NR5A2: variants seen among roughly 807,000 people sequenced by gnomAD.
NR5A2 encodes nuclear receptor subfamily 5 group A member 2.
NR5A2 carries 26 observed loss-of-function variants against 62.7 expected under a neutral mutation model. The observed-to-expected ratio is 0.41, with a 90% confidence interval of 0.30 to 0.58. The LOEUF (loss-of-function observed/expected upper bound fraction) is 0.58, where lower values mean the gene tolerates loss of function less well. NR5A2 is among the 20% of genes least tolerant of loss of function. The pLI is 0.22. For synonymous variants in NR5A2, 246 were observed against 241.7 expected (o/e 1.02, Z -0.16); for missense variants, 541 against 669.1 (o/e 0.81, Z 2.11).
At chr1:200,092,074 T>TG (rs1401114183) in intron 5 of NR5A2, among the ~76,000 whole-genome samples, 2 of 152,206 alleles carry the variant, frequency 1.3e-5, no homozygotes, top group Non-Finnish European at 2.9e-5. Context: ...ACATGGATCT[T>TG]GAGCACAGTT....
chr1:200,156,933 G>C (rs930388098), intron 7 of NR5A2, among the ~76,000 whole-genome samples: 1 of 152,104 alleles, frequency 6.6e-6, no homozygotes, highest in Non-Finnish European at 1.5e-5. Flanking sequence ...TAACCCCATC[G>C]TAAGTTGGAG....
intron 5 of NR5A2, among the ~76,000 whole-genome samples, chr1:200,059,065 G>T (rs1022543873): frequency 1.3e-5 from 2 of 151,868 alleles, no homozygotes; most frequent in Non-Finnish European, 2.9e-5. Context: ...AGCCAAGATC[G>T]CACTACTGCA....
intron 7 of NR5A2, among the ~76,000 whole-genome samples, chr1:200,152,488 G>A (rs1253644111): frequency 6.6e-6 from 1 of 152,062 alleles, no homozygotes; most frequent in East Asian, 1.9e-4. Flanking sequence ...AGAATGTTAA[G>A]AAACTACAAA....
At chr1:200,163,506 A>G (rs1653753958) in intron 7 of NR5A2, among the ~76,000 whole-genome samples, 1 of 150,810 alleles carries the variant, frequency 6.6e-6, no homozygotes, top group Non-Finnish European at 1.5e-5. Flanking sequence ...TTTTGAGACA[A>G]GATCTCACTC....
Position 200,111,260 on chromosome 1 carries a change from A to T in NR5A2, c.1169A>T (p.His390Leu), listed in dbSNP as rs1226327686. 6.2e-7 allele frequency: 1 copy of T among 1,613,566 alleles called. No individual in the cohort carries two copies. Among genetic ancestry groups the T allele is most frequent in the African/African-American group, 1.3e-5 (1 of 74,824 alleles). The part of the protein sequence containing the change: ...NCWSELLILD[H>L]IYRQVVHGKE... Reference sequence around the variant, plus strand: ...TGGAGTGAGCTCTTAATCCTCGACCACATTTACCGACAAGTGGTACATGGA... The same window carrying T: ...TGGAGTGAGCTCTTAATCCTCGACCTCATTTACCGACAAGTGGTACATGGA... The change falls in exon 6 of 8, where the codon CAC becomes CTC. Residue 390 changes from histidine to leucine, a missense_variant. Transcript: ENST00000367362.
Position 200,027,856 on chromosome 1 carries a change from T to C in NR5A2, c.9T>C (p.Ser3=). 3 of 1,604,592 alleles carry C rather than the reference T, an allele frequency of 1.9e-6. No homozygotes were observed. In the South Asian group the frequency reaches 3.4e-5, roughly 18 times the overall value. The change falls in exon 1 of 8, where the codon TCT becomes TCC. Residue 3 remains serine (S), a synonymous_variant. Transcript: ENST00000367362. Reference sequence around the variant, plus strand: ...CTATAATTTCACTAAGAATGTCTTCTAATTCAGATACTGGGGATTTACAAG... The same window carrying C: ...CTATAATTTCACTAAGAATGTCTTCCAATTCAGATACTGGGGATTTACAAG... MS[S]NSDTGDLQES...
At chr1:200,128,710 G>A (rs776398488) in intron 7 of NR5A2, among the ~76,000 whole-genome samples, 1 of 152,134 alleles carries the variant, frequency 6.6e-6, no homozygotes, top group Non-Finnish European at 1.5e-5. Context: ...GAGTGGGGGT[G>A]GTGGGCAGGC....
At chr1:200,104,852 G>A (rs1377239927) in intron 5 of NR5A2, among the ~76,000 whole-genome samples, 1 of 152,056 alleles carries the variant, frequency 6.6e-6, no homozygotes, top group Non-Finnish European at 1.5e-5. Flanking sequence ...TAGTAGAGAT[G>A]GAATTTCACC....
chr1:200,079,111 G>T (rs780422579), intron 5 of NR5A2, among the ~76,000 whole-genome samples: 1 of 152,168 alleles, frequency 6.6e-6, no homozygotes, highest in African/African-American at 2.4e-5. Flanking sequence ...CAATTAGGGA[G>T]TCTCTGGGCT....
At chr1:200,079,762 A>AT (rs1325336704) in intron 5 of NR5A2, among the ~76,000 whole-genome samples, 3 of 151,958 alleles carry the variant, frequency 2.0e-5, no homozygotes, top group South Asian at 4.1e-4. Context: ...AGGCTGTTGG[A>AT]TTTTTTTGCT....
intron 5 of NR5A2, among the ~76,000 whole-genome samples, chr1:200,061,242 A>G (rs531907283): frequency 4.0e-5 from 6 of 151,186 alleles, no homozygotes; most frequent in Admixed American, 1.3e-4. Context: ...GGAAATGTCA[A>G]TGTCACTCAG....
Position 200,048,501 on chromosome 1 carries a change from C to G in NR5A2, c.793C>G (p.Pro265Ala), listed in dbSNP as rs778933557. ...AGGTTACCAAACATATGGCCACTTTCCTAGCCGGGCCATCAAGTCTGAGTA... is the reference window on the plus strand; with the variant it reads ...AGGTTACCAAACATATGGCCACTTTGCTAGCCGGGCCATCAAGTCTGAGTA... ...LQGYQTYGHF[P>A]SRAIKSEYPD... The change falls in exon 5 of 8, where the codon CCT (proline) becomes GCT (alanine). Residue 265 changes from proline to alanine, a missense_variant. Pro to Ala is a conservative substitution (Grantham distance 27). Around this residue, in one of 3 missense-constraint regions of NR5A2, gnomAD observed 379 missense variants for 442.0 expected, o/e 0.86. Transcript: ENST00000367362. The surrounding 1 kb of genome is among the most constrained non-coding windows in gnomAD (Gnocchi z 4.8). 10 of 1,614,088 alleles carry G rather than the reference C, an allele frequency of 6.2e-6. No individual in the cohort carries two copies. In the Admixed American group the frequency reaches 1.7e-4, roughly 27 times the overall value.
At chr1:200,121,657 G>A in intron 7 of NR5A2, among the ~76,000 whole-genome samples, 1 of 152,168 alleles carries the variant, frequency 6.6e-6, no homozygotes, top group East Asian at 1.9e-4. Context: ...TTTCCTGTCT[G>A]TCCCTTACTT....
At chr1:200,104,262 C>T (rs901808581) in intron 5 of NR5A2, among the ~76,000 whole-genome samples, 4 of 152,134 alleles carry the variant, frequency 2.6e-5, no homozygotes, top group African/African-American at 9.7e-5. Context: ...GTTTTACTGG[C>T]TCTTAGTTCT....
chr1:200,157,416 A>T (rs1008851410), intron 7 of NR5A2, among the ~76,000 whole-genome samples: 1 of 152,226 alleles, frequency 6.6e-6, no homozygotes, highest in Non-Finnish European at 1.5e-5. Flanking sequence ...AAACCTTAGA[A>T]TTGAGCATAG....
At position 200,177,182 on chromosome 1, in the gene NR5A2, C is replaced by T. The variant is rs1198603416; in HGVS notation, c.*2972C>T. ...CTTAACTTGGTTTATTATAGTTGCT[C>T]TATGTTTGTAAACAGACAATCTCTA... On this transcript the variant is annotated 3_prime_UTR_variant, in exon 8 of 8. Coordinates refer to ENST00000367362, the MANE Select transcript of NR5A2 (RefSeq NM_205860.3). 6.6e-6 allele frequency: 1 copy of T among 152,576 alleles called. No individual in the cohort carries two copies. Among genetic ancestry groups the T allele is most frequent in the Non-Finnish European group, 1.5e-5 (1 of 68,026 alleles). The allele number at this position is 152,576 out of a possible 1,614,324, so 9.5% of individuals were successfully genotyped here.
intron 5 of NR5A2, among the ~76,000 whole-genome samples, chr1:200,050,935 TA>T (rs1269231037): frequency 6.6e-6 from 1 of 152,172 alleles, no homozygotes; most frequent in African/African-American, 2.4e-5. Flanking sequence ...ACTGTTGTTT[TA>T]TGAAAAATGT....
At chr1:200,040,137 A>T (rs1661997192) in intron 2 of NR5A2, among the ~76,000 whole-genome samples, 1 of 152,230 alleles carries the variant, frequency 6.6e-6, no homozygotes. Context: ...GGACACCCGA[A>T]CAGGTTCTCT....
At chr1:200,145,468 TTGTGTGTGTG>T (rs66885184) in intron 7 of NR5A2, among the ~76,000 whole-genome samples, 3,123 of 142,186 alleles carry the variant, frequency 0.022, 82 homozygotes, top group African/African-American at 0.047. Context: ...TTGATAGAAT[TTGTGTGTGTG>T]TGTGTGTGTG....
Sources: allele counts gnomAD v4.1 joint callset (sites outside exome capture counted in the v4.1 genomes callset), GRCh38; gene constraint gnomAD v4.1.1; regional missense constraint gnomAD v4.1.1; non-coding constraint Gnocchi (gnomAD v3.1); transcripts MANE v1.5; gene names NCBI Gene and HGNC (gene_info 2026-07-23, HGNC 2026-07-21).